CHD9: variants seen among roughly 807,000 people sequenced by gnomAD.
The protein encoded by CHD9 is ATP-dependent chromatin remodeler CHD9.
In CHD9, 77 loss-of-function variants were observed where a neutral mutation model predicts 316.1. That is an observed-to-expected ratio of 0.24 (90% CI 0.20 to 0.29). CHD9 has a LOEUF of 0.29. CHD9 is among the 10% of genes least tolerant of loss of function. The pLI, the probability that CHD9 is intolerant of heterozygous loss-of-function variation, is 1.00. For synonymous variants in CHD9, 1,129 were observed against 1,158.3 expected, an observed-to-expected ratio of 0.97 and a Z score of 0.51; for missense variants, 2,763 against 3,438.1, an observed-to-expected ratio of 0.80 and a Z score of 4.91.
intron 3 of CHD9, among the ~76,000 whole-genome samples, chr16:53,216,591 C>A (rs568917636): frequency 6.6e-6 from 1 of 152,270 alleles, no homozygotes; most frequent in African/African-American, 2.4e-5. Context: ...CCAATACCTA[C>A]CTGCCTTGCC....
intron 1 of CHD9, among the ~76,000 whole-genome samples, chr16:53,149,412 C>T (rs1157229478): frequency 6.6e-6 from 1 of 151,910 alleles, no homozygotes; most frequent in Non-Finnish European, 1.5e-5. Context: ...TTTGTTTTTC[C>T]CATCAATTCT....
At chr16:53,055,471 A>G (rs2031953134) in intron 1 of CHD9, among the ~76,000 whole-genome samples, 1 of 148,036 alleles carries the variant, frequency 6.8e-6, no homozygotes, top group Non-Finnish European at 1.5e-5. Flanking sequence ...TTAAAAAAAT[A>G]CCGATGCCCT....
rs548084949 is a variant in CHD9, at chr16:53,126,741, C to G, written c.-164-29185C>G. Among the ~76,000 whole-genome samples the G allele has an allele frequency of 2.3e-4, 35 of 151,672 alleles. 2 individuals are homozygous for G. Among genetic ancestry groups the G allele is most frequent in the African/African-American group, 8.5e-4 (35 of 41,360 alleles). ...TCACCCAGGCTGGAATGCAGTAGCA[C>G]GATCTCGGCTCACTGCAACCTCCGC... On this transcript the variant is annotated intron_variant, in intron 1 of 38. Transcript: ENST00000447540.
chr16:53,320,814 A>G (rs1042575212), intron 37 of CHD9, among the ~76,000 whole-genome samples: 2 of 152,156 alleles, frequency 1.3e-5, no homozygotes, highest in South Asian at 2.1e-4. Flanking sequence ...TATGAAAGAT[A>G]TATACAATTT....
Position 53,245,579 on chromosome 16 carries a change from A to G in CHD9, c.3199-16A>G. 1 of 1,540,818 alleles carries G rather than the reference A, an allele frequency of 6.5e-7. No individual in the cohort carries two copies. Among genetic ancestry groups the G allele is most frequent in the Non-Finnish European group, 8.7e-7 (1 of 1,148,494 alleles). On this transcript the variant is annotated splice_polypyrimidine_tract_variant and intron_variant, in intron 14 of 38. Transcript: ENST00000447540. The surrounding 1 kb of genome is among the most constrained non-coding windows in gnomAD (Gnocchi z 4.1). ...GCTCACTTATGTTATATGTCTTTTT[A>G]TCATTTTTTATTCAGGTACAGAAAC...
chr16:53,104,995 A>G (rs201486226), intron 1 of CHD9, among the ~76,000 whole-genome samples: 1 of 151,138 alleles, frequency 6.6e-6, no homozygotes, highest in Non-Finnish European at 1.5e-5. Flanking sequence ...TTAAAAAAAA[A>G]CAAAAAAACA....
chr16:53,075,548 G>A (rs1315058116), intron 1 of CHD9, among the ~76,000 whole-genome samples: 1 of 152,060 alleles, frequency 6.6e-6, no homozygotes, highest in African/African-American at 2.4e-5. Context: ...TCATGGGGGC[G>A]GTTTCCCCCA....
chr16:53,225,741 T>G (rs1438579779), intron 4 of CHD9, among the ~76,000 whole-genome samples: 1 of 152,012 alleles, frequency 6.6e-6, no homozygotes, highest in East Asian at 1.9e-4. Context: ...ATTTAATGCT[T>G]TCTTATTTTG....
intron 2 of CHD9, among the ~76,000 whole-genome samples, chr16:53,158,257 G>A (rs2082996228): frequency 6.6e-6 from 1 of 152,078 alleles, no homozygotes; most frequent in Non-Finnish European, 1.5e-5. Flanking sequence ...TATACCCAAA[G>A]ATATTTGTCT....
intron 1 of CHD9, among the ~76,000 whole-genome samples, chr16:53,152,861 G>T (rs977213947): frequency 1.3e-5 from 2 of 152,180 alleles, no homozygotes; most frequent in African/African-American, 2.4e-5. Flanking sequence ...CACCTTGGAA[G>T]TGATTATAGA....
At chr16:53,089,837 A>C (rs568430809) in intron 1 of CHD9, among the ~76,000 whole-genome samples, 1 of 152,362 alleles carries the variant, frequency 6.6e-6, no homozygotes, top group Admixed American at 6.5e-5. Context: ...GGAAGGAAAG[A>C]CACTGGCACA....
At chr16:53,162,362 T>C (rs1311721881) in intron 2 of CHD9, among the ~76,000 whole-genome samples, 1 of 152,214 alleles carries the variant, frequency 6.6e-6, no homozygotes, top group Non-Finnish European at 1.5e-5. Flanking sequence ...TTATTTATCA[T>C]CTCTAATTTT....
chr16:53,200,559 T>A (rs550871542), intron 2 of CHD9, among the ~76,000 whole-genome samples: 1 of 152,072 alleles, frequency 6.6e-6, no homozygotes, highest in South Asian at 2.1e-4. Context: ...AAGAGACAGC[T>A]CTTGTTTAGA....
At chr16:53,217,197 A>G (rs552325932) in intron 3 of CHD9, among the ~76,000 whole-genome samples, 58 of 152,206 alleles carry the variant, frequency 3.8e-4, no homozygotes, top group African/African-American at 1.4e-3. Context: ...CTGGCCAGTT[A>G]TTCTGTAGAA....
chr16:53,295,270 G>T (rs113959438), intron 29 of CHD9, among the ~76,000 whole-genome samples: 2 of 152,148 alleles, frequency 1.3e-5, no homozygotes, highest in African/African-American at 4.8e-5. Context: ...GGCACTACAG[G>T]TGTGCATCAC....
At chr16:53,177,100 C>T (rs1193244112) in intron 2 of CHD9, among the ~76,000 whole-genome samples, 1 of 152,154 alleles carries the variant, frequency 6.6e-6, no homozygotes, top group Non-Finnish European at 1.5e-5. Flanking sequence ...GGATTACAGG[C>T]ACATGCCACC....
intron 1 of CHD9, 85 bp from the exon 2 acceptor site, chr16:53,155,841 A>T (rs1446967685): frequency 2.3e-6 from 1 of 435,312 alleles, no homozygotes; most frequent in African/African-American, 2.0e-5. Flanking sequence ...TCTTTCACTT[A>T]GCATAATGTT....
intron 1 of CHD9, among the ~76,000 whole-genome samples, chr16:53,086,760 C>T (rs1172840301): frequency 1.3e-5 from 2 of 152,204 alleles, no homozygotes; most frequent in Non-Finnish European, 2.9e-5. Context: ...AATGAACCCT[C>T]ATAACCCAGC....
At position 53,247,392 on chromosome 16, in the gene CHD9, T is replaced by A; in HGVS notation, c.3554T>A (p.Val1185Asp). 6.2e-7 allele frequency: 1 copy of A among 1,608,646 alleles called. No homozygotes were observed. Among genetic ancestry groups the A allele is most frequent in the Non-Finnish European group, 8.5e-7 (1 of 1,177,040 alleles). ...QAMIQSAGKL[V>D]LIDKLLPKMK... is the part of the protein sequence containing the mutation. ...ATGATCCAGTCTGCTGGTAAATTGG[T>A]CCTTATTGATAAATTGCTTCCCAAA... Residue 1185 changes from valine (V) to aspartate (D), a missense_variant, in exon 16 of 39, where the codon GTC becomes GAC. Val to Asp is a radical substitution (Grantham distance 152, BLOSUM62 -3). Transcript: ENST00000447540.
Sources: gnomAD v4.1 joint callset for allele counts (sites outside exome capture counted in the v4.1 genomes callset) on GRCh38, gnomAD v4.1.1 for gene constraint, Gnocchi (gnomAD v3.1) non-coding constraint, MANE v1.5 for transcripts, NCBI Gene and HGNC (gene_info 2026-07-23, HGNC 2026-07-21) for gene names.